PCYT1B: variants seen among roughly 807,000 people sequenced by gnomAD.
PCYT1B encodes the protein phosphate cytidylyltransferase 1B, choline, also known as choline-phosphate cytidylyltransferase B.
In PCYT1B, 10 loss-of-function variants were observed where a neutral mutation model predicts 26.4. The ratio of observed to expected loss-of-function variants is 0.38; its 90% CI spans 0.23 to 0.64. The LOEUF (loss-of-function observed/expected upper bound fraction) is 0.64, where lower values mean the gene tolerates loss of function less well. Among genes scored for constraint, PCYT1B ranks in the 30% least tolerant of loss-of-function variants. PCYT1B has a pLI of 0.56. For missense variants in PCYT1B, 161 were observed against 292.7 expected (o/e 0.55, Z 3.28); for synonymous variants, 131 against 108.4 (o/e 1.21, Z -1.29).
At chrX:24,639,364 C>A (rs61760936) in intron 1 of PCYT1B, among the ~76,000 whole-genome samples, 5,252 of 112,314 alleles carry the variant, frequency 0.047, 303 homozygotes, top group African/African-American at 0.16. Context: ...CAAGTCCAGA[C>A]CAAGCTTTAG....
upstream of PCYT1B, among the ~76,000 whole-genome samples, chrX:24,651,472 A>ATATAT (rs1236511633): frequency 3.8e-5 from 1 of 26,045 alleles, no homozygotes; most frequent in Non-Finnish European, 6.0e-5. Flanking sequence ...AAAAAAAAAA[A>ATATAT]ATATATATAT....
At chrX:24,672,387 C>A (rs186673713) in intron 1 of PCYT1B, among the ~76,000 whole-genome samples, 1 of 111,547 alleles carries the variant, frequency 9.0e-6, no homozygotes, top group Non-Finnish European at 1.9e-5. Context: ...AAATATTAGT[C>A]ACAATTTGTT....
intron 1 of PCYT1B, among the ~76,000 whole-genome samples, chrX:24,642,740 G>T (rs758158949): frequency 9.0e-6 from 1 of 111,640 alleles, no homozygotes; most frequent in African/African-American, 3.3e-5. Context: ...CCAATATTGC[G>T]CATTAAGAGT....
At chrX:24,659,386 G>T (rs1219005347) in intron 1 of PCYT1B, among the ~76,000 whole-genome samples, 3 of 110,707 alleles carry the variant, frequency 2.7e-5, no homozygotes, top group Non-Finnish European at 5.7e-5. Flanking sequence ...GGCATCAAAT[G>T]GGTTCTTCCT....
intron 1 of PCYT1B, among the ~76,000 whole-genome samples, chrX:24,667,561 A>T (rs750969660): frequency 6.3e-5 from 7 of 110,544 alleles, no homozygotes; most frequent in African/African-American, 1.3e-4. Context: ...TACTAAAAGT[A>T]CAAAAATTAG....
intron 7 of PCYT1B, among the ~76,000 whole-genome samples, chrX:24,564,926 T>C: frequency 9.0e-6 from 1 of 110,560 alleles, no homozygotes. Flanking sequence ...GGAACGGGAA[T>C]CAAGTGACTG....
chrX:24,587,444 G>A, intron 4 of PCYT1B, 125 bp from the exon 5 acceptor site: 1 of 470,474 alleles, frequency 2.1e-6, no homozygotes, highest in South Asian at 3.3e-5. Context: ...TACATTTATA[G>A]TGGAGACCTG....
At chrX:24,660,279 G>A (rs1927001605) in intron 1 of PCYT1B, among the ~76,000 whole-genome samples, 1 of 112,328 alleles carries the variant, frequency 8.9e-6, no homozygotes, top group South Asian at 3.7e-4. Context: ...CCCTATTTGT[G>A]TATGTGTCCC....
chrX:24,574,443 A>T (rs1041360467), intron 7 of PCYT1B, among the ~76,000 whole-genome samples: 1 of 111,440 alleles, frequency 9.0e-6, no homozygotes, highest in African/African-American at 3.3e-5. Flanking sequence ...AAAGTTGTTC[A>T]GATTTTAGGC....
At chrX:24,642,747 G>A (rs1291179050) in intron 1 of PCYT1B, among the ~76,000 whole-genome samples, 2 of 111,829 alleles carry the variant, frequency 1.8e-5, no homozygotes, top group Non-Finnish European at 3.8e-5. Flanking sequence ...TGCGCATTAA[G>A]AGTGTTTCAC....
rs1459587474 is a variant in PCYT1B, at chrX:24,647,180, G to T, written c.-75C>A. On this transcript the variant is annotated 5_prime_UTR_variant, in exon 1 of 8. Transcript: ENST00000379144. ...AGGCAGAGAATGTTTTCTTTGTCAC[G>T]TATTTTTCTCCCCTCTACCCTCCAC... The T allele has an allele frequency of 6.1e-6, 7 of 1,154,826 alleles. No individual in the cohort carries two copies. The South Asian group carries it at 1.3e-4, about 21-fold the overall frequency.
At chrX:24,617,739 C>T (rs1224080500) in intron 2 of PCYT1B, among the ~76,000 whole-genome samples, 3 of 111,072 alleles carry the variant, frequency 2.7e-5, no homozygotes, top group East Asian at 2.8e-4. Context: ...TGAGCCACCG[C>T]GCCCGGCCGA....
In PCYT1B at chrX:24,561,771, T is replaced by C. The variant is rs1248779899; in HGVS notation, c.*522A>G. ...GGAGCTGATGCGTTCCAACATCAGG[T>C]CTCAGTGGCTGGACTGAGGAGGTTG... On this transcript the variant is annotated 3_prime_UTR_variant, in exon 8 of 8. Coordinates refer to ENST00000379144, the MANE Select transcript of PCYT1B (RefSeq NM_004845.5). The C allele has an allele frequency of 1.0e-5, 3 of 296,997 alleles. No individual in the cohort carries two copies. The highest frequency in any genetic ancestry group is 1.8e-5 in the Non-Finnish European group (3 of 167,873). 24.5% of individuals were successfully genotyped at this position (296,997 alleles called of 1,213,427 possible).
intron 1 of PCYT1B, among the ~76,000 whole-genome samples, chrX:24,630,526 A>G (rs912435924): frequency 1.1e-4 from 12 of 111,689 alleles, no homozygotes; most frequent in African/African-American, 3.6e-4. Context: ...CGATCTCCTG[A>G]CCTCGTGATC....
chrX:24,562,640 C>T lies in PCYT1B; in HGVS notation c.898-135G>A, dbSNP rs192280512. 2.8e-4 allele frequency: 144 copies of T among 510,936 alleles called. No homozygotes were observed. The African/African-American group carries it at 2.9e-3, about 10-fold the overall frequency. The allele number at this position is 510,936 out of a possible 1,213,427, so 42.1% of individuals were successfully genotyped here. On this transcript the variant is annotated intron_variant, in intron 7 of 7. Transcript: ENST00000379144. ...ACAAACCTACACTCATACCACATCC[C>T]GTGTTGTCCAAGACTATGTATAGTA...
At chrX:24,576,776 C>T (rs1924029644) in intron 6 of PCYT1B, among the ~76,000 whole-genome samples, 1 of 110,874 alleles carries the variant, frequency 9.0e-6, no homozygotes, top group Non-Finnish European at 1.9e-5. Flanking sequence ...CTCTGTCTTC[C>T]GTTACTTACT....
At chrX:24,611,512 T>C (rs1297413775) in intron 2 of PCYT1B, among the ~76,000 whole-genome samples, 1 of 111,377 alleles carries the variant, frequency 9.0e-6, no homozygotes, top group Non-Finnish European at 1.9e-5. Flanking sequence ...TGCATGGCTA[T>C]CGTGGAGAGA....
At chrX:24,629,593 A>AAAAC (rs1926000641) in intron 1 of PCYT1B, among the ~76,000 whole-genome samples, 3 of 96,725 alleles carry the variant, frequency 3.1e-5, no homozygotes, top group Non-Finnish European at 4.2e-5. Flanking sequence ...AAAAAAAACA[A>AAAAC]CACGTATTTT....
intron 2 of PCYT1B, among the ~76,000 whole-genome samples, chrX:24,609,373 G>T (rs1380887162): frequency 9.0e-6 from 1 of 111,213 alleles, no homozygotes; most frequent in African/African-American, 3.3e-5. Flanking sequence ...GTTTCACCAT[G>T]GTGGCCAGGC....
Sources: allele counts gnomAD v4.1 joint callset (sites outside exome capture counted in the v4.1 genomes callset), GRCh38; gene constraint gnomAD v4.1.1; transcripts MANE v1.5; gene names NCBI Gene and HGNC (gene_info 2026-07-23, HGNC 2026-07-21).